The following CADPS2 variants were observed in gnomAD, a reference collection of about 807,000 sequenced individuals.
CADPS2 encodes the protein calcium-dependent secretion activator 2.
A neutral mutation model predicts 172.5 loss-of-function variants in CADPS2; 93 were observed. The observed-to-expected ratio is 0.54, with a 90% CI of 0.46 to 0.64. The LOEUF is 0.64. CADPS2 is among the 30% of genes least tolerant of loss of function. The probability of loss-of-function intolerance (pLI) is 0.00; values close to 1 mark genes in which losing one functional copy is unlikely to be tolerated. For synonymous variants in CADPS2, 546 were observed against 555.2 expected (o/e 0.98, Z 0.23); for missense variants, 1,420 against 1,565.9 (o/e 0.91, Z 1.57).
At chr7:122,702,519 G>A (rs761703467) in intron 2 of CADPS2, 2 of 1,613,564 alleles carry the variant, frequency 1.2e-6, no homozygotes, top group South Asian at 2.2e-5. Flanking sequence ...CATCCTTCAG[G>A]AAGTGCCACC....
chr7:122,382,719 C>A (rs1159881148), intron 24 of CADPS2, among the ~76,000 whole-genome samples: 1 of 151,810 alleles, frequency 6.6e-6, no homozygotes, highest in East Asian at 1.9e-4. Context: ...TTTAGGAAGT[C>A]AAGGTGGGAG....
At chr7:122,551,551 G>A (rs17381596) in intron 8 of CADPS2, among the ~76,000 whole-genome samples, 1 of 151,830 alleles carries the variant, frequency 6.6e-6, no homozygotes, top group Non-Finnish European at 1.5e-5. Context: ...TCTATTTGAC[G>A]TCCACATTAT....
At chr7:122,885,741 T>C (rs534841077) in intron 1 of CADPS2, among the ~76,000 whole-genome samples, 1 of 152,234 alleles carries the variant, frequency 6.6e-6, no homozygotes, top group South Asian at 2.1e-4. Context: ...CGGCCGGCGC[T>C]GTCGGTCTCT....
At chr7:122,811,732 A>G (rs1256329908) in intron 1 of CADPS2, among the ~76,000 whole-genome samples, 1 of 152,190 alleles carries the variant, frequency 6.6e-6, no homozygotes, top group East Asian at 1.9e-4. Flanking sequence ...CATATTAGAT[A>G]AAAGTACCTT....
At chr7:122,854,715 GC>G (rs1442676304) in intron 1 of CADPS2, among the ~76,000 whole-genome samples, 1 of 152,328 alleles carries the variant, frequency 6.6e-6, no homozygotes, top group East Asian at 1.9e-4. Context: ...TGAGCAGCCA[GC>G]AAAAGCTTCC....
rs574968079 is a variant in CADPS2, at chr7:122,433,661, C to T, written c.2476+4680G>A. On this transcript the variant is annotated intron_variant, in intron 17 of 29. Transcript: ENST00000449022. The stretch of plus-strand genomic sequence containing the variant: ...CAAGTGATCCACCCATTTTGGCTCC[C>T]CAAAGTGCTGGAATTACAGGCGTGA... 5.6e-4 allele frequency among the ~76,000 whole-genome samples: 86 copies of T among 152,270 alleles called. No homozygotes were observed. The South Asian group carries it at 0.01, about 18-fold the overall frequency.
intron 8 of CADPS2, among the ~76,000 whole-genome samples, chr7:122,521,298 A>AT (rs1354674870): frequency 6.6e-6 from 1 of 152,164 alleles, no homozygotes; most frequent in Non-Finnish European, 1.5e-5. Context: ...TTTAACTGAC[A>AT]ACAATACAGG....
Position 122,702,346 on chromosome 7 carries a change from C to T in CADPS2, c.453+34609G>A, listed in dbSNP as rs776153272. ...GAGACATGGGAAATACTTTACTGCCCGTACCTTGATAGTTGTAGATGATCA... is the reference window on the plus strand; with the variant it reads ...GAGACATGGGAAATACTTTACTGCCTGTACCTTGATAGTTGTAGATGATCA... On this transcript the variant is annotated intron_variant, in intron 2 of 29. Coordinates refer to ENST00000449022, the MANE Select transcript of CADPS2 (RefSeq NM_017954.11). 22 of 1,613,628 alleles carry T rather than the reference C, an allele frequency of 1.4e-5. No homozygotes were observed. The Middle Eastern group carries it at 4.9e-4, about 36-fold the overall frequency.
intron 2 of CADPS2, chr7:122,698,395 G>C (rs1011253204): frequency 1.2e-6 from 2 of 1,613,746 alleles, no homozygotes; most frequent in African/African-American, 2.7e-5. Context: ...CTCAACCACG[G>C]CTGTAATGAG....
At chr7:122,475,876 C>A (rs1167895890) in intron 12 of CADPS2, among the ~76,000 whole-genome samples, 1 of 152,078 alleles carries the variant, frequency 6.6e-6, no homozygotes, top group Non-Finnish European at 1.5e-5. Flanking sequence ...CATACTTATA[C>A]CTTTACATTT....
chr7:122,687,449 TGTGGAACCA>T (rs2083780976), intron 2 of CADPS2, among the ~76,000 whole-genome samples: 1 of 152,230 alleles, frequency 6.6e-6, no homozygotes, highest in Non-Finnish European at 1.5e-5. Context: ...GACCATGAGC[TGTGGAACCA>T]GAACAAGTTC....
At chr7:122,713,583 A>G (rs924699698) in intron 2 of CADPS2, among the ~76,000 whole-genome samples, 1 of 152,042 alleles carries the variant, frequency 6.6e-6, no homozygotes, top group Non-Finnish European at 1.5e-5. Flanking sequence ...ATTTTTTTCA[A>G]TCTTAACAAT....
At chr7:122,523,013 C>T (rs919146402) in intron 8 of CADPS2, among the ~76,000 whole-genome samples, 5 of 152,138 alleles carry the variant, frequency 3.3e-5, no homozygotes, top group South Asian at 2.1e-4. Flanking sequence ...CTACTGAGAA[C>T]AATGCTACGA....
chr7:122,573,405 T>C (rs1223291086), intron 7 of CADPS2, among the ~76,000 whole-genome samples: 1 of 152,018 alleles, frequency 6.6e-6, no homozygotes, highest in Non-Finnish European at 1.5e-5. Context: ...CTGGGCATAG[T>C]GGCATACAAC....
At chr7:122,522,781 C>T (rs1166713057) in intron 8 of CADPS2, among the ~76,000 whole-genome samples, 1 of 151,292 alleles carries the variant, frequency 6.6e-6, no homozygotes, top group Non-Finnish European at 1.5e-5. Context: ...CTTCTATCTC[C>T]ACAGATCAAC....
chr7:122,391,191 C>A (rs2044323687), intron 22 of CADPS2, among the ~76,000 whole-genome samples: 1 of 152,044 alleles, frequency 6.6e-6, no homozygotes, highest in East Asian at 1.9e-4. Context: ...GACAAAGAAC[C>A]TAATGTTGAT....
At chr7:122,653,614 C>T (rs1207901264) in intron 3 of CADPS2, among the ~76,000 whole-genome samples, 3 of 152,114 alleles carry the variant, frequency 2.0e-5, no homozygotes, top group African/African-American at 7.2e-5. Flanking sequence ...TTTTTTTACA[C>T]ATTGAAGGTC....
At chr7:122,668,896 T>G (rs888014048) in intron 2 of CADPS2, among the ~76,000 whole-genome samples, 4 of 152,206 alleles carry the variant, frequency 2.6e-5, no homozygotes, top group African/African-American at 7.2e-5. Context: ...GTTTTTTGTT[T>G]CCGCATATAA....
In CADPS2 at chr7:122,649,361, C is replaced by G. The variant is rs960017484; in HGVS notation, c.786+13876G>C. 2.0e-5 allele frequency among the ~76,000 whole-genome samples: 3 copies of G among 152,146 alleles called. No homozygotes were observed. The South Asian group carries it at 6.2e-4, about 32-fold the overall frequency. On this transcript the variant is annotated intron_variant, in intron 3 of 29. Transcript: ENST00000449022. The stretch of plus-strand genomic sequence containing the variant: ...AGAATTGGGTTCCCACACTCCCAAA[C>G]CAGCTCTATTTCCTGGCACCCAACT...
Sources: allele counts gnomAD v4.1 joint callset (sites outside exome capture counted in the v4.1 genomes callset), GRCh38; gene constraint gnomAD v4.1.1; transcripts MANE v1.5; gene names NCBI Gene and HGNC (gene_info 2026-07-23, HGNC 2026-07-21).